Variants in GLIS3 observed in about 807,000 individuals in gnomAD.
GLIS3 encodes the protein GLIS family zinc finger 3.
GLIS3 carries 53 observed loss-of-function variants against 78.6 expected under a neutral mutation model. That is an observed-to-expected ratio of 0.67 (90% CI 0.54 to 0.85). GLIS3 has a LOEUF of 0.85. Ranked by LOEUF, GLIS3 falls within the 40% of genes least tolerant of loss-of-function variation. The pLI is 0.00. For missense variants in GLIS3, 1,703 were observed against 1,231.1 expected, an observed-to-expected ratio of 1.38 and a Z score of -5.74; for synonymous variants, 684 against 509.9, an observed-to-expected ratio of 1.34 and a Z score of -4.60.
At chr9:4,258,979 C>A (rs1825243574) in intron 2 of GLIS3, among the ~76,000 whole-genome samples, 1 of 152,112 alleles carries the variant, frequency 6.6e-6, no homozygotes, top group Non-Finnish European at 1.5e-5. Context: ...CAGAAATAAC[C>A]TAGCAAACCA....
At chr9:4,109,582 A>G (rs1191842036) in intron 4 of GLIS3, among the ~76,000 whole-genome samples, 1 of 152,244 alleles carries the variant, frequency 6.6e-6, no homozygotes, top group East Asian at 1.9e-4. Context: ...TGGGGAAGTC[A>G]AAGTTTCATT....
intron 4 of GLIS3, among the ~76,000 whole-genome samples, chr9:3,998,796 AATAAT>A (rs529411004): frequency 0.018 from 2,682 of 149,136 alleles, 40 homozygotes; most frequent in South Asian, 0.042. Context: ...ATTTTAATAA[AATAAT>A]ATTTTATTAA....
intron 2 of GLIS3, among the ~76,000 whole-genome samples, chr9:4,192,738 T>C (rs1488326954): frequency 6.6e-6 from 1 of 151,174 alleles, no homozygotes; most frequent in African/African-American, 2.4e-5. Flanking sequence ...GAACGAGACA[T>C]GGTTGTTCCG....
chr9:4,016,096 A>C (rs1822412107), intron 4 of GLIS3, among the ~76,000 whole-genome samples: 2 of 152,124 alleles, frequency 1.3e-5, no homozygotes, highest in African/African-American at 4.8e-5. Context: ...TCTTCTCTGC[A>C]TAAGTCATCA....
chr9:4,410,397 T>C, the GLIS3 span, among the ~76,000 whole-genome samples: 1 of 152,210 alleles, frequency 6.6e-6, no homozygotes, highest in Non-Finnish European at 1.5e-5. Flanking sequence ...AATTCTTTAG[T>C]TACAGTTGTA....
At chr9:4,237,309 C>T (rs1273964473) in intron 2 of GLIS3, among the ~76,000 whole-genome samples, 1 of 151,898 alleles carries the variant, frequency 6.6e-6, no homozygotes, top group East Asian at 1.9e-4. Flanking sequence ...ATTACACAGC[C>T]ACAAAAATGA....
chr9:4,451,029 C>A, the GLIS3 span, among the ~76,000 whole-genome samples: 2 of 152,134 alleles, frequency 1.3e-5, no homozygotes, highest in African/African-American at 4.8e-5. Flanking sequence ...GGGCTAAATG[C>A]CCCAATTAAA....
intron 4 of GLIS3, among the ~76,000 whole-genome samples, chr9:4,084,686 G>C (rs1282696327): frequency 6.6e-6 from 1 of 152,130 alleles, no homozygotes; most frequent in Non-Finnish European, 1.5e-5. Context: ...ATTACAGAAA[G>C]TTATAAACAA....
At chr9:4,128,351 A>G (rs992094150) in intron 2 of GLIS3, among the ~76,000 whole-genome samples, 2 of 152,238 alleles carry the variant, frequency 1.3e-5, no homozygotes, top group Admixed American at 6.5e-5. Context: ...TAAACTCTTT[A>G]CATGCCTGCC....
chr9:4,382,143 C>A, the GLIS3 span, among the ~76,000 whole-genome samples: 3 of 152,206 alleles, frequency 2.0e-5, no homozygotes, highest in African/African-American at 7.2e-5. Flanking sequence ...ATACCAAAAT[C>A]TGTAGTAAAT....
At chr9:3,984,789 G>A (rs1045614275) in intron 4 of GLIS3, among the ~76,000 whole-genome samples, 1 of 152,170 alleles carries the variant, frequency 6.6e-6, no homozygotes, top group Non-Finnish European at 1.5e-5. Flanking sequence ...ACATGTTTCA[G>A]GAGGAACCCA....
chr9:4,286,244 T>C lies in GLIS3; in HGVS notation c.182A>G (p.Lys61Arg). The change falls in exon 2 of 11, where the codon AAG (lysine) becomes AGG (arginine). Residue 61 changes from lysine (K) to arginine (R), a missense_variant. By Grantham distance (26) the Lys-to-Arg change is conservative. Transcript: ENST00000381971. ...AGCCATCCCTCCTCCTGAGGGCATC[T>C]TGAGATGGAGGTTGTTAGCAAGGCT... ...MASLANNLHLKMPSGGGMAPQ... is the reference protein window; with the variant it reads ...MASLANNLHLRMPSGGGMAPQ... The C allele has an allele frequency of 2.5e-6, 4 of 1,614,198 alleles. No homozygotes were observed. Among genetic ancestry groups the C allele is most frequent in the Non-Finnish European group, 3.4e-6 (4 of 1,180,026 alleles).
intron 3 of GLIS3, among the ~76,000 whole-genome samples, chr9:4,124,278 G>C (rs915013897): frequency 5.3e-5 from 8 of 152,158 alleles, no homozygotes; most frequent in African/African-American, 1.9e-4. Context: ...TGTCTTTTAA[G>C]GTTATAAAAT....
chr9:4,117,725 C>A, intron 4 of GLIS3, 43 bp downstream of exon 4: 2 of 1,613,222 alleles, frequency 1.2e-6, no homozygotes, highest in East Asian at 4.5e-5. Flanking sequence ...CAAAGCAAGC[C>A]GGGCCTTCAA....
the GLIS3 span, among the ~76,000 whole-genome samples, chr9:4,459,334 T>G: frequency 6.6e-6 from 1 of 152,180 alleles, no homozygotes; most frequent in Non-Finnish European, 1.5e-5. Flanking sequence ...ACAGGAGGTC[T>G]AAAGACTCAG....
intron 2 of GLIS3, among the ~76,000 whole-genome samples, chr9:4,158,982 A>C (rs576175006): frequency 6.7e-6 from 1 of 149,324 alleles, no homozygotes; most frequent in Non-Finnish European, 1.5e-5. Context: ...AATGGCTAGT[A>C]CAAAGACCTG....
At chr9:4,148,453 A>C (rs1834398352) in intron 2 of GLIS3, among the ~76,000 whole-genome samples, 1 of 152,054 alleles carries the variant, frequency 6.6e-6, no homozygotes, top group Admixed American at 6.5e-5. Flanking sequence ...TCCTTCCTCC[A>C]ATGCCAGGTT....
chr9:4,304,691 G>A (rs529118618), upstream of GLIS3, among the ~76,000 whole-genome samples: 116 of 152,320 alleles, frequency 7.6e-4, 1 homozygote, highest in African/African-American at 2.8e-3. Flanking sequence ...ATAATTGAGA[G>A]CAACTAGTTA....
In GLIS3 at chr9:4,185,761, C is replaced by G. The variant is rs557307973; in HGVS notation, c.389-59820G>C. 2.0e-5 allele frequency among the ~76,000 whole-genome samples: 3 copies of G among 152,264 alleles called. No homozygotes were observed. In the South Asian group the frequency reaches 6.2e-4, roughly 32 times the overall value. On this transcript the variant is annotated intron_variant, in intron 2 of 10. Coordinates refer to ENST00000381971, the MANE Select transcript of GLIS3 (RefSeq NM_001042413.2). ...TTCAGCACAAGGCATCAGTTAGGGA[C>G]AAAGCTATAGGAATGAATCGCCCTC... is the stretch of plus-strand genomic sequence containing the variant.
Sources: gnomAD v4.1 joint callset for allele counts (sites outside exome capture counted in the v4.1 genomes callset) on GRCh38, gnomAD v4.1.1 for gene constraint, MANE v1.5 for transcripts, NCBI Gene and HGNC (gene_info 2026-07-23, HGNC 2026-07-21) for gene names.